Variants in FRMPD1 observed in about 807,000 individuals in gnomAD.
FRMPD1 encodes the protein FERM and PDZ domain containing 1, also known as FERM and PDZ domain-containing protein 1.
Under a neutral mutation model 117.8 loss-of-function variants are expected in FRMPD1, and 76 were observed. The ratio of observed to expected loss-of-function variants is 0.65; its 90% CI spans 0.54 to 0.78. The LOEUF (loss-of-function observed/expected upper bound fraction) is 0.78, where lower values mean the gene tolerates loss of function less well. Among genes scored for constraint, FRMPD1 ranks in the 30% least tolerant of loss-of-function variants. FRMPD1 has a pLI of 0.00. For synonymous variants in FRMPD1, 783 were observed against 770.4 expected (o/e 1.02, Z -0.27); for missense variants, 1,786 against 1,964.5 (o/e 0.91, Z 1.72).
At chr9:37,702,548 T>G (rs1420916328) in intron 2 of FRMPD1, among the ~76,000 whole-genome samples, 1 of 152,204 alleles carries the variant, frequency 6.6e-6, no homozygotes, top group Non-Finnish European at 1.5e-5. Context: ...GCCTCACACT[T>G]TCTGCAGAGG....
In FRMPD1 at chr9:37,745,111, C is replaced by T. The variant is rs1824631449; in HGVS notation, c.3079C>T (p.Leu1027=). Residue 1027 remains leucine (L), a synonymous_variant, in exon 16 of 16, where the codon CTG becomes TTG. Transcript: ENST00000377765. Reference sequence around the variant, plus strand: ...TGACCCTAACCCAGACAGAGCCTGCCTGGCCAGCAACCCAGGACTAAATAA... The same window carrying T: ...TGACCCTAACCCAGACAGAGCCTGCTTGGCCAGCAACCCAGGACTAAATAA... ...SGDPNPDRAC[L]ASNPGLNNVS... The T allele has an allele frequency of 6.2e-7, 1 of 1,614,142 alleles. No homozygotes were observed.
chr9:37,637,490 T>C, the FRMPD1 span, among the ~76,000 whole-genome samples: 1 of 152,216 alleles, frequency 6.6e-6, no homozygotes, highest in East Asian at 1.9e-4. Context: ...ACCACAGAGA[T>C]ACAGAATAGT....
chr9:37,660,350 C>T (rs1037382374), intron 1 of FRMPD1, among the ~76,000 whole-genome samples: 8 of 152,004 alleles, frequency 5.3e-5, no homozygotes, highest in African/African-American at 1.7e-4. Flanking sequence ...TGAACCGAGC[C>T]CTAGTGGGTG....
intron 1 of FRMPD1, among the ~76,000 whole-genome samples, chr9:37,674,271 C>T (rs1177129489): frequency 3.3e-5 from 5 of 152,192 alleles, no homozygotes; most frequent in African/African-American, 1.2e-4. Context: ...AAAATGCTGC[C>T]AGTCTCTTTG....
At chr9:37,699,292 G>T (rs1362977950) in intron 2 of FRMPD1, among the ~76,000 whole-genome samples, 7 of 150,976 alleles carry the variant, frequency 4.6e-5, no homozygotes, top group Non-Finnish European at 4.4e-5. Flanking sequence ...AAATAAGCAT[G>T]AGATTTACTG....
At chr9:37,651,634 C>T (rs1820678540) in intron 1 of FRMPD1, among the ~76,000 whole-genome samples, 1 of 152,248 alleles carries the variant, frequency 6.6e-6, no homozygotes, top group African/African-American at 2.4e-5. Context: ...CGCTAACTTG[C>T]AGCAGCTTTG....
chr9:37,680,911 T>G (rs1554662247), intron 1 of FRMPD1, among the ~76,000 whole-genome samples: 1 of 151,390 alleles, frequency 6.6e-6, no homozygotes, highest in Non-Finnish European at 1.5e-5. Flanking sequence ...AAATAAGAAA[T>G]GAAAAGAAAC....
chr9:37,681,352 A>G (rs1821726251), intron 1 of FRMPD1, among the ~76,000 whole-genome samples: 1 of 152,216 alleles, frequency 6.6e-6, no homozygotes, highest in African/African-American at 2.4e-5. Context: ...GACTTGACTG[A>G]GATCCCTGAG....
At chr9:37,609,378 C>G in the FRMPD1 span, among the ~76,000 whole-genome samples, 1 of 152,012 alleles carries the variant, frequency 6.6e-6, no homozygotes, top group East Asian at 1.9e-4. Context: ...CCCCAAGAAA[C>G]TTCCTCCCCT....
At chr9:37,606,671 A>G in the FRMPD1 span, among the ~76,000 whole-genome samples, 1 of 152,224 alleles carries the variant, frequency 6.6e-6, no homozygotes, top group African/African-American at 2.4e-5. Context: ...AAATTAATAG[A>G]AAACAAAAAA....
At chr9:37,701,163 T>A (rs372944851) in intron 2 of FRMPD1, among the ~76,000 whole-genome samples, 11 of 152,236 alleles carry the variant, frequency 7.2e-5, no homozygotes, top group East Asian at 5.8e-4. Flanking sequence ...AGGACCGCAC[T>A]CTGCCAAGTG....
intron 6 of FRMPD1, among the ~76,000 whole-genome samples, chr9:37,721,196 G>T (rs1161630164): frequency 6.6e-6 from 1 of 152,096 alleles, no homozygotes; most frequent in Non-Finnish European, 1.5e-5. Context: ...GAAGGTTGGG[G>T]CACCTCGGGG....
At chr9:37,729,598 C>G in intron 7 of FRMPD1, 130 bp from the exon 8 acceptor site, 1 of 903,504 alleles carries the variant, frequency 1.1e-6, no homozygotes, top group Non-Finnish European at 1.7e-6. Context: ...GGACCAGACT[C>G]TGGCGTAAGT....
chr9:37,665,126 G>A (rs889254719), intron 1 of FRMPD1, among the ~76,000 whole-genome samples: 7 of 152,164 alleles, frequency 4.6e-5, no homozygotes, highest in African/African-American at 1.7e-4. Flanking sequence ...TAAAGACACA[G>A]GGAAATGTTT....
chr9:37,637,167 C>A, the FRMPD1 span: 1 of 1,610,462 alleles, frequency 6.2e-7, no homozygotes, highest in Non-Finnish European at 8.5e-7. Context: ...TTGAAGTCCA[C>A]CCCGATGGTG....
the FRMPD1 span, among the ~76,000 whole-genome samples, chr9:37,638,018 TTCTTTCTC>T: frequency 3.5e-5 from 4 of 115,066 alleles, no homozygotes; most frequent in South Asian, 3.1e-4. Context: ...CTTTCTTTCT[TTCTTTCTC>T]TCTCTTTCTT....
intron 1 of FRMPD1, among the ~76,000 whole-genome samples, chr9:37,655,496 CTTTTTTTTTTTTTT>C (rs10615941): frequency 1.1e-5 from 1 of 88,566 alleles, no homozygotes; most frequent in Non-Finnish European, 2.1e-5. Flanking sequence ...TGTCCCCACT[CTTTTTTTTTTTTTT>C]TTTTTTTTTT....
In FRMPD1 at chr9:37,673,440, G is replaced by A. The variant is rs531832065; in HGVS notation, c.-4-19198G>A. ...CTCCCAGCTGCTTTCATGGGCTGGC[G>A]TTGAGTGTCTGCGGCTTTTCTAGGC... On this transcript the variant is annotated intron_variant, in intron 1 of 15. Transcript: ENST00000377765. Among the ~76,000 whole-genome samples the A allele has an allele frequency of 3.1e-4, 47 of 152,310 alleles. No individual in the cohort carries two copies. The South Asian group carries it at 4.3e-3, about 14-fold the overall frequency.
intron 1 of FRMPD1, among the ~76,000 whole-genome samples, chr9:37,655,268 T>C (rs1820805213): frequency 6.6e-6 from 1 of 152,200 alleles, no homozygotes; most frequent in South Asian, 2.1e-4. Context: ...TATTTTTACT[T>C]CCAAAATCTC....
Sources: gnomAD v4.1 joint callset for allele counts (sites outside exome capture counted in the v4.1 genomes callset) on GRCh38, gnomAD v4.1.1 for gene constraint, MANE v1.5 for transcripts, NCBI Gene and HGNC (gene_info 2026-07-23, HGNC 2026-07-21) for gene names.